SLC14A2: variants seen among roughly 807,000 people sequenced by gnomAD.
SLC14A2 encodes urea transporter 2.
SLC14A2 carries 91 observed loss-of-function variants against 104.6 expected under a neutral mutation model. That is an observed-to-expected ratio of 0.87 (90% CI 0.73 to 1.04). SLC14A2 has a LOEUF of 1.04. Among genes scored for constraint, SLC14A2 ranks in the 50% least tolerant of loss-of-function variants. The probability of loss-of-function intolerance (pLI) is 0.00; values close to 1 mark genes in which losing one functional copy is unlikely to be tolerated. For synonymous variants in SLC14A2, 476 were observed against 466.4 expected, an observed-to-expected ratio of 1.02 and a Z score of -0.27; for missense variants, 1,189 against 1,156.0, an observed-to-expected ratio of 1.03 and a Z score of -0.41.
the SLC14A2 span, among the ~76,000 whole-genome samples, chr18:45,186,007 A>G: frequency 2.0e-5 from 3 of 152,218 alleles, no homozygotes; most frequent in East Asian, 1.9e-4. Context: ...CATTGTTTAT[A>G]TATGTAGGTA....
chr18:45,437,992 A>G (rs1025218116), intron 1 of SLC14A2, among the ~76,000 whole-genome samples: 1 of 152,182 alleles, frequency 6.6e-6, no homozygotes, highest in African/African-American at 2.4e-5. Flanking sequence ...TTCTATCTAC[A>G]GTCATACATC....
chr18:45,545,549 C>A (rs1018085266), intron 2 of SLC14A2, among the ~76,000 whole-genome samples: 1 of 152,202 alleles, frequency 6.6e-6, no homozygotes, highest in Non-Finnish European at 1.5e-5. Context: ...AGGAAAACCA[C>A]AAGGACAGTT....
intron 1 of SLC14A2, among the ~76,000 whole-genome samples, chr18:45,233,807 A>G (rs2084199527): frequency 1.5e-5 from 1 of 64,534 alleles, no homozygotes; most frequent in Admixed American, 2.2e-4. Context: ...GCCCCCACCT[A>G]AAAGCATTTG....
intron 1 of SLC14A2, among the ~76,000 whole-genome samples, chr18:45,453,847 G>GTTTTTTTTTTTTTTTTTTT (rs56084837): frequency 2.2e-5 from 2 of 91,342 alleles, no homozygotes; most frequent in Non-Finnish European, 4.2e-5. Context: ...TTTCTTTTCT[G>GTTTTTTTTTTTTTTTTTTT]TTTTTTTTTT....
intron 1 of SLC14A2, among the ~76,000 whole-genome samples, chr18:45,389,255 G>A (rs957720259): frequency 3.3e-5 from 5 of 152,170 alleles, no homozygotes; most frequent in South Asian, 2.1e-4. Context: ...ACAAGTTTGC[G>A]ACTTGTTTTC....
At chr18:45,505,457 T>A (rs1055627819) in intron 2 of SLC14A2, among the ~76,000 whole-genome samples, 1 of 152,186 alleles carries the variant, frequency 6.6e-6, no homozygotes, top group South Asian at 2.1e-4. Context: ...AGGGTAATAT[T>A]CCCTGAGAAT....
At chr18:45,484,561 G>A (rs961494696) in intron 2 of SLC14A2, among the ~76,000 whole-genome samples, 25 of 152,188 alleles carry the variant, frequency 1.6e-4, no homozygotes, top group African/African-American at 5.3e-4. Context: ...TCTAATGCCA[G>A]CTATATCCCC....
At chr18:45,409,766 GA>G (rs1437159463) in intron 1 of SLC14A2, among the ~76,000 whole-genome samples, 1 of 152,144 alleles carries the variant, frequency 6.6e-6, no homozygotes, top group Non-Finnish European at 1.5e-5. Context: ...GTATATTCTA[GA>G]GCAACAGTCC....
At chr18:45,268,685 G>A (rs930853040) in intron 1 of SLC14A2, among the ~76,000 whole-genome samples, 1 of 152,220 alleles carries the variant, frequency 6.6e-6, no homozygotes, top group African/African-American at 2.4e-5. Context: ...GTAGTGGACA[G>A]GTGGTAAAAA....
At chr18:45,285,038 A>AAG (rs1353961230) in intron 1 of SLC14A2, among the ~76,000 whole-genome samples, 2 of 152,098 alleles carry the variant, frequency 1.3e-5, no homozygotes, top group South Asian at 2.1e-4. Context: ...CACAAAAAAA[A>AAG]AAAATTGCAA....
intron 2 of SLC14A2, among the ~76,000 whole-genome samples, chr18:45,534,423 G>A (rs976264833): frequency 6.6e-6 from 1 of 152,162 alleles, no homozygotes; most frequent in Admixed American, 6.5e-5. Flanking sequence ...GTTAGCAGCT[G>A]AAAAAGAGCT....
rs943283474 is a variant in SLC14A2, at chr18:45,624,747, C to G, written c.83C>G (p.Pro28Arg). The G allele has an allele frequency of 1.4e-5, 22 of 1,613,310 alleles. No homozygotes were observed. The African/African-American group carries it at 2.8e-4, about 21-fold the overall frequency. ...YKLYEAEFTS[P>R]SWPSTSPDTH... is the part of the protein sequence containing the mutation. ...CTCTACGAGGCAGAGTTTACCAGCC[C>G]GAGCTGGCCCTCGACATCCCCGGAT... Residue 28 changes from proline (P) to arginine (R), a missense_variant, in exon 2 of 20, where the codon CCG (proline) becomes CGG (arginine). Pro to Arg is a moderately radical substitution (Grantham distance 103). Transcript: ENST00000255226.
intron 1 of SLC14A2, among the ~76,000 whole-genome samples, chr18:45,305,700 GT>G (rs937911127): frequency 6.6e-6 from 1 of 151,446 alleles, no homozygotes; most frequent in African/African-American, 2.4e-5. Flanking sequence ...AGCGAAGATG[GT>G]TTTTTTTTCC....
At chr18:45,643,327 G>A in intron 9 of SLC14A2, 146 bp downstream of exon 9, 3 of 724,208 alleles carry the variant, frequency 4.1e-6, no homozygotes, top group Non-Finnish European at 7.3e-6. Context: ...TTTATCTAAG[G>A]TTGTCCGGAG....
In SLC14A2 at chr18:45,374,876, G is replaced by T. The variant is rs564527472; in HGVS notation, c.-124-108357G>T. Among the ~76,000 whole-genome samples the T allele has an allele frequency of 1.2e-4, 18 of 152,286 alleles. No individual in the cohort carries two copies. In the East Asian group the frequency reaches 3.5e-3, roughly 29 times the overall value. On this transcript the variant is annotated intron_variant, in intron 1 of 20. Coordinates refer to the SLC14A2 transcript ENST00000586448. ...AAAAGCATCTGATCCCAAACAAGGT[G>T]GCCATTTGTGAGTTAAGCTAAGACA... is the stretch of plus-strand genomic sequence containing the variant.
chr18:45,593,740 C>T (rs150997000), intron 2 of SLC14A2, among the ~76,000 whole-genome samples: 2 of 152,082 alleles, frequency 1.3e-5, no homozygotes, highest in East Asian at 1.9e-4. Flanking sequence ...CCGTCCACCT[C>T]GGCCTCCCAA....
At chr18:45,614,147 A>G (rs1201793041), upstream of SLC14A2, among the ~76,000 whole-genome samples, 1 of 152,260 alleles carries the variant, frequency 6.6e-6, no homozygotes, top group African/African-American at 2.4e-5. Flanking sequence ...GCCAGTGTAC[A>G]GTTCAGGCCA....
intron 2 of SLC14A2, chr18:45,542,074 C>CTTTTTTTTTTTTTTTTTTT (rs1598983649): frequency 2.3e-3 from 122 of 51,984 alleles, no homozygotes; most frequent in African/African-American, 2.7e-3. Context: ...TTTTTTTTTG[C>CTTTTTTTTTTTTTTTTTTT]TTTTGAGTTT....
intron 1 of SLC14A2, among the ~76,000 whole-genome samples, chr18:45,318,385 T>C (rs1350568098): frequency 6.6e-6 from 1 of 152,196 alleles, no homozygotes; most frequent in Non-Finnish European, 1.5e-5. Context: ...GGAACAAGCT[T>C]CTGCTGAGAG....
Sources: gnomAD v4.1 joint callset for allele counts (sites outside exome capture counted in the v4.1 genomes callset) on GRCh38, gnomAD v4.1.1 for gene constraint, MANE v1.5 for transcripts, NCBI Gene and HGNC (gene_info 2026-07-23, HGNC 2026-07-21) for gene names.